Variants in AMMECR1 observed in about 807,000 individuals in gnomAD.
AMMECR1 encodes the protein AMMECR nuclear protein 1.
Under a neutral mutation model 22.5 loss-of-function variants are expected in AMMECR1, and 3 were observed. The ratio of observed to expected loss-of-function variants is 0.13; its 90% CI spans 0.06 to 0.35. AMMECR1 has a LOEUF of 0.35. Ranked by LOEUF, AMMECR1 falls within the 10% of genes least tolerant of loss-of-function variation. The pLI is 1.00. For synonymous variants in AMMECR1, 130 were observed against 116.7 expected (o/e 1.11, Z -0.74); for missense variants, 235 against 278.7 (o/e 0.84, Z 1.12).
At chrX:110,355,780 C>A (rs1483590094) in intron 2 of AMMECR1, among the ~76,000 whole-genome samples, 1 of 111,863 alleles carries the variant, frequency 8.9e-6, no homozygotes, top group African/African-American at 3.3e-5. Flanking sequence ...TATCTGCACG[C>A]CCATGTTCAT....
intron 2 of AMMECR1, among the ~76,000 whole-genome samples, chrX:110,222,001 C>T (rs1055277742): frequency 6.4e-5 from 7 of 110,116 alleles, no homozygotes; most frequent in Non-Finnish European, 1.1e-4. Context: ...GTTGGTGGGA[C>T]TGTAAACTAG....
chrX:110,292,447 C>A (rs1428045122), intron 1 of AMMECR1, among the ~76,000 whole-genome samples: 1 of 112,280 alleles, frequency 8.9e-6, no homozygotes, highest in Non-Finnish European at 1.9e-5. Context: ...ATTGCTAAAA[C>A]CTGGAAACAA....
At chrX:110,315,411 T>C (rs2068043375) in intron 1 of AMMECR1, among the ~76,000 whole-genome samples, 1 of 112,274 alleles carries the variant, frequency 8.9e-6, no homozygotes, top group Non-Finnish European at 1.9e-5. Flanking sequence ...TAGATGATAA[T>C]AGTTATTATT....
intron 2 of AMMECR1, among the ~76,000 whole-genome samples, chrX:110,353,657 A>G (rs1038691539): frequency 3.6e-5 from 4 of 111,824 alleles, no homozygotes; most frequent in Admixed American, 9.5e-5. Context: ...TTCTACTTCC[A>G]TGCCAATGTG....
intron 2 of AMMECR1, among the ~76,000 whole-genome samples, chrX:110,228,616 ACT>A (rs964793837): frequency 1.8e-5 from 2 of 110,993 alleles, no homozygotes; most frequent in Non-Finnish European, 3.8e-5. Flanking sequence ...GCCCAACATA[ACT>A]CAGCACTGAC....
At chrX:110,333,796 G>A (rs754397838) in intron 2 of AMMECR1, among the ~76,000 whole-genome samples, 3 of 108,036 alleles carry the variant, frequency 2.8e-5, no homozygotes, top group African/African-American at 1.0e-4. Flanking sequence ...ACATGGGGGT[G>A]CAGGGCTCAT....
chrX:110,384,321 T>C (rs1487819692), intron 2 of AMMECR1, among the ~76,000 whole-genome samples: 7 of 110,865 alleles, frequency 6.3e-5, no homozygotes, highest in Admixed American at 3.8e-4. Context: ...TGGGTTTGGA[T>C]CTTGATTCTG....
intron 2 of AMMECR1, among the ~76,000 whole-genome samples, chrX:110,369,478 C>T (rs2068322591): frequency 9.0e-6 from 1 of 111,415 alleles, no homozygotes; most frequent in Admixed American, 9.5e-5. Context: ...TATATTCTAC[C>T]ACTCCCACTG....
intron 3 of AMMECR1, among the ~76,000 whole-genome samples, chrX:110,203,351 C>T (rs1329841019): frequency 9.0e-6 from 1 of 111,638 alleles, no homozygotes; most frequent in Non-Finnish European, 1.9e-5. Context: ...CAATTTCTTG[C>T]TAATTTTTTT....
intron 2 of AMMECR1, among the ~76,000 whole-genome samples, chrX:110,238,426 C>T (rs1044393941): frequency 1.8e-5 from 2 of 112,171 alleles, no homozygotes; most frequent in Admixed American, 9.4e-5. Context: ...TAAACAAAGC[C>T]GCCAGGAAGT....
intron 2 of AMMECR1, among the ~76,000 whole-genome samples, chrX:110,419,987 T>C (rs1390660393): frequency 8.9e-6 from 1 of 111,785 alleles, no homozygotes; most frequent in African/African-American, 3.3e-5. Context: ...ATGAAGGAAT[T>C]GAGGCTCTGG....
In AMMECR1 at chrX:110,266,875, T is replaced by C. The variant is rs1187503332; in HGVS notation, c.474-2276A>G. Among the ~76,000 whole-genome samples, 13 of 110,058 alleles carry C rather than the reference T, an allele frequency of 1.2e-4. No homozygotes were observed. The Admixed American group carries it at 1.3e-3, about 11-fold the overall frequency. ...CCCCGACAGGCCCTGGTGTGTGATG[T>C]TCCCCTCCCTGTGTCCACATGTTCT... On this transcript the variant is annotated intron_variant, in intron 1 of 5. Transcript: ENST00000262844.
intron 2 of AMMECR1, among the ~76,000 whole-genome samples, chrX:110,222,395 A>G (rs1328468233): frequency 1.1e-5 from 1 of 89,082 alleles, no homozygotes; most frequent in Non-Finnish European, 2.2e-5. Context: ...GAATTGAACA[A>G]TGAGATCACA....
intron 2 of AMMECR1, among the ~76,000 whole-genome samples, chrX:110,242,884 G>GA (rs1379596193): frequency 8.9e-6 from 1 of 112,282 alleles, no homozygotes; most frequent in African/African-American, 3.2e-5. Context: ...ACACTTGTCT[G>GA]AAATTGTTTC....
chrX:110,286,013 A>C (rs2067877449), intron 1 of AMMECR1, among the ~76,000 whole-genome samples: 1 of 112,200 alleles, frequency 8.9e-6, no homozygotes. Flanking sequence ...AGATGGGAGC[A>C]AAATCAGAGA....
chrX:110,390,492 T>C (rs1365663296), intron 2 of AMMECR1, among the ~76,000 whole-genome samples: 1 of 112,057 alleles, frequency 8.9e-6, no homozygotes, highest in Admixed American at 9.5e-5. Flanking sequence ...AGTGTTTTTT[T>C]AAATATTTTA....
At chrX:110,260,633 A>C (rs2067735663) in intron 2 of AMMECR1, among the ~76,000 whole-genome samples, 1 of 111,468 alleles carries the variant, frequency 9.0e-6, no homozygotes, top group African/African-American at 3.3e-5. Context: ...ATTTTTAAGA[A>C]AGGTTTTAGA....
chrX:110,252,105 G>C (rs1441778598), intron 2 of AMMECR1, among the ~76,000 whole-genome samples: 1 of 110,796 alleles, frequency 9.0e-6, no homozygotes, highest in Non-Finnish European at 1.9e-5. Context: ...AAACTTACCA[G>C]TTTAGAATTA....
Position 110,198,442 on chromosome X carries a change from T to A in AMMECR1, c.*78A>T. 1.7e-6 allele frequency: 1 copy of A among 587,995 alleles called. No individual in the cohort carries two copies. Among genetic ancestry groups the A allele is most frequent in the South Asian group, 4.3e-5 (1 of 23,053 alleles). The allele number at this position is 587,995 out of a possible 1,213,427, so 48.5% of individuals were successfully genotyped here. ...TCATAAAATGGTACAGTAAAAGAGA[T>A]AGCTAGACCAAGAAGGTGTAGGGTC... On this transcript the variant is annotated 3_prime_UTR_variant, in exon 6 of 6. Transcript: ENST00000262844.
Sources: allele counts gnomAD v4.1 joint callset (sites outside exome capture counted in the v4.1 genomes callset), GRCh38; gene constraint gnomAD v4.1.1; transcripts MANE v1.5; gene names NCBI Gene and HGNC (gene_info 2026-07-23, HGNC 2026-07-21).